Variants in PLA2R1 observed in about 807,000 individuals in gnomAD.
PLA2R1 encodes the protein secretory phospholipase A2 receptor.
PLA2R1 carries 158 observed loss-of-function variants against 195.9 expected under a neutral mutation model. That is an observed-to-expected ratio of 0.81 (90% CI 0.71 to 0.92). The LOEUF is 0.92. Ranked by LOEUF, PLA2R1 falls within the 40% of genes least tolerant of loss-of-function variation. The pLI is 0.00. For missense variants in PLA2R1, 1,626 were observed against 1,764.6 expected (o/e 0.92, Z 1.41); for synonymous variants, 586 against 598.2 (o/e 0.98, Z 0.30).
chr2:159,924,042 G>T, the PLA2R1 span, among the ~76,000 whole-genome samples: 3 of 124,326 alleles, frequency 2.4e-5, no homozygotes, highest in East Asian at 7.7e-4. Flanking sequence ...GCTCTCTCTG[G>T]AGGTTCTGGA....
At chr2:159,924,796 T>G in the PLA2R1 span, among the ~76,000 whole-genome samples, 23,219 of 150,048 alleles carry the variant, frequency 0.15, 2,085 homozygotes, top group South Asian at 0.38. Context: ...GGATTTGGGG[T>G]CGTGTTCTTT....
intron 28 of PLA2R1, among the ~76,000 whole-genome samples, chr2:159,944,507 T>A (rs2125918294): frequency 6.6e-6 from 1 of 152,330 alleles, no homozygotes; most frequent in South Asian, 2.1e-4. Flanking sequence ...CATCTTCTTG[T>A]CTACAGCAAA....
intron 9 of PLA2R1, among the ~76,000 whole-genome samples, chr2:160,015,813 C>T (rs1354110874): frequency 6.6e-6 from 1 of 152,182 alleles, no homozygotes; most frequent in African/African-American, 2.4e-5. Flanking sequence ...GGGGATGGGT[C>T]ATTGTTCAAT....
At chr2:160,061,168 G>A (rs1695925771) in intron 1 of PLA2R1, among the ~76,000 whole-genome samples, 1 of 152,192 alleles carries the variant, frequency 6.6e-6, no homozygotes, top group South Asian at 2.1e-4. Flanking sequence ...AAGGCAGAGA[G>A]GATGGAGGCT....
intron 1 of PLA2R1, among the ~76,000 whole-genome samples, chr2:160,052,095 G>C (rs1410239615): frequency 5.3e-5 from 8 of 152,048 alleles, no homozygotes; most frequent in African/African-American, 1.5e-4. Context: ...ATCTCCACAG[G>C]GCCGTGGACC....
At chr2:159,946,160 A>G in intron 27 of PLA2R1, 4 of 786,542 alleles carry the variant, frequency 5.1e-6, no homozygotes, top group Non-Finnish European at 6.2e-6. Context: ...ACAGCTAACT[A>G]AAAGTTGGTC....
chr2:159,957,247 C>T (rs1343312047), intron 20 of PLA2R1, among the ~76,000 whole-genome samples: 1 of 152,086 alleles, frequency 6.6e-6, no homozygotes, highest in Admixed American at 6.6e-5. Flanking sequence ...GAAGGTTGGC[C>T]ATCAATGTTA....
chr2:160,002,931 G>T (rs1026766777), intron 11 of PLA2R1, among the ~76,000 whole-genome samples: 1 of 151,940 alleles, frequency 6.6e-6, no homozygotes, highest in African/African-American at 2.4e-5. Context: ...AGAAAACTAA[G>T]AATAATAGAA....
chr2:160,040,344 C>A (rs192839821), intron 3 of PLA2R1, among the ~76,000 whole-genome samples: 3 of 152,224 alleles, frequency 2.0e-5, no homozygotes, highest in Admixed American at 2.0e-4. Flanking sequence ...AGCAGAGAGC[C>A]TCTGGAATTC....
intron 11 of PLA2R1, among the ~76,000 whole-genome samples, chr2:159,988,558 G>A (rs1417227347): frequency 6.6e-6 from 1 of 152,208 alleles, no homozygotes; most frequent in Non-Finnish European, 1.5e-5. Context: ...TGCAGGAAGT[G>A]ACATTTGAGC....
intron 10 of PLA2R1, among the ~76,000 whole-genome samples, chr2:160,008,530 T>G (rs1056890820): frequency 6.6e-6 from 1 of 152,152 alleles, no homozygotes; most frequent in Non-Finnish European, 1.5e-5. Context: ...TACCTTATAC[T>G]ATGCACAAAA....
In PLA2R1 at chr2:159,977,414, A is replaced by G. The variant is rs1339657124; in HGVS notation, c.2271T>C (p.Val757=). Reference sequence around the variant, plus strand: ...AAGTGTTGTCTAAAAACGAAGAGACAACCTGCAGCAGATGAAGTTCATTAT... The same window carrying G: ...AAGTGTTGTCTAAAAACGAAGAGACGACCTGCAGCAGATGAAGTTCATTAT... ...GSWEWSDRTP[V]VSSFLDNTYF... Residue 757 remains valine, a splice_region_variant and synonymous_variant, in exon 15 of 30, where the codon GTT becomes GTC. Transcript: ENST00000283243. The G allele has an allele frequency of 1.2e-6, 2 of 1,612,852 alleles. No homozygotes were observed. Among genetic ancestry groups the G allele is most frequent in the East Asian group, 4.5e-5 (2 of 44,808 alleles).
At chr2:160,021,604 T>C (rs1194715235) in intron 7 of PLA2R1, among the ~76,000 whole-genome samples, 1 of 152,102 alleles carries the variant, frequency 6.6e-6, no homozygotes, top group African/African-American at 2.4e-5. Flanking sequence ...CAGAGCAGGA[T>C]AAAAAACACT....
chr2:160,021,414 T>C (rs1455214031), intron 7 of PLA2R1, among the ~76,000 whole-genome samples: 5 of 152,120 alleles, frequency 3.3e-5, no homozygotes, highest in Non-Finnish European at 5.9e-5. Flanking sequence ...AAATATGGTA[T>C]ATATATATAC....
Position 159,942,160 on chromosome 2 carries a change from C to A in PLA2R1, c.4145-1G>T. On this transcript the variant is annotated splice_acceptor_variant, in intron 28 of 29. Coordinates refer to ENST00000283243, the MANE Select transcript of PLA2R1 (RefSeq NM_007366.5). LOFTEE classifies it high-confidence loss of function. The stretch of plus-strand genomic sequence containing the variant: ...GGCAGCGCCTCTGCAGTGTGAATAT[C>A]TAAAATCAAATACAAAAATTAAAAT... 6.2e-7 allele frequency: 1 copy of A among 1,606,480 alleles called. No individual in the cohort carries two copies. Among genetic ancestry groups the A allele is most frequent in the Non-Finnish European group, 8.5e-7 (1 of 1,174,574 alleles).
rs1032180602 is a variant in PLA2R1 at position 159,994,078 on chromosome 2, G to T, written c.1835-6720C>A. On this transcript the variant is annotated intron_variant, in intron 11 of 29. Coordinates refer to ENST00000283243, the MANE Select transcript of PLA2R1 (RefSeq NM_007366.5). ...TCAAAGGCTGCTAATGTCACAAAAA[G>T]AGAAAAAAAAATGGGACATTATGTG... Among the ~76,000 whole-genome samples the T allele has an allele frequency of 2.0e-5, 3 of 146,828 alleles. No homozygotes were observed. In the East Asian group the frequency reaches 5.9e-4, roughly 29 times the overall value.
At chr2:160,017,235 C>T (rs894770274) in intron 8 of PLA2R1, among the ~76,000 whole-genome samples, 11 of 152,116 alleles carry the variant, frequency 7.2e-5, no homozygotes, top group African/African-American at 2.4e-4. Flanking sequence ...GGAGGGCTAA[C>T]TGAAACCTAG....
chr2:159,931,881 T>A (rs945908174), downstream of PLA2R1: 2 of 152,228 alleles, frequency 1.3e-5, no homozygotes, highest in Admixed American at 6.5e-5. Context: ...TGTGTTCTAA[T>A]AGAAAATAAA....
In PLA2R1 at chr2:160,062,372, A is replaced by T; in HGVS notation, c.32T>A (p.Leu11Gln). The T allele has an allele frequency of 1.3e-6, 2 of 1,539,146 alleles. No homozygotes were observed. Among genetic ancestry groups the T allele is most frequent in the Non-Finnish European group, 1.8e-6 (2 of 1,142,258 alleles). ...GCAGCCCCGCGGCGCCCCCAGCAGCAGCAGCAGCAGCAGCGACGGCGACAG... is the reference window on the plus strand; with the variant it reads ...GCAGCCCCGCGGCGCCCCCAGCAGCTGCAGCAGCAGCAGCGACGGCGACAG... MLLSPSLLLL[L>Q]LLGAPRGCAE... Residue 11 changes from leucine to glutamine, a missense_variant, in exon 1 of 30, where the codon CTG becomes CAG. Transcript: ENST00000283243.
Sources: allele counts gnomAD v4.1 joint callset (sites outside exome capture counted in the v4.1 genomes callset), GRCh38; gene constraint gnomAD v4.1.1; transcripts MANE v1.5; gene names NCBI Gene and HGNC (gene_info 2026-07-23, HGNC 2026-07-21).